RFX6: variants seen among roughly 807,000 people sequenced by gnomAD.
The protein encoded by RFX6 is regulatory factor X6.
Under a neutral mutation model 110.8 loss-of-function variants are expected in RFX6, and 50 were observed. That is an observed-to-expected ratio of 0.45 (90% confidence interval 0.36 to 0.57). The LOEUF is 0.57. Ranked by LOEUF, RFX6 falls within the 20% of genes least tolerant of loss-of-function variation. The probability of loss-of-function intolerance (pLI) is 0.00; values close to 1 mark genes in which losing one functional copy is unlikely to be tolerated. For synonymous variants in RFX6, 383 were observed against 411.2 expected (o/e 0.93, Z 0.83); for missense variants, 990 against 1,127.0 (o/e 0.88, Z 1.74).
At chr6:116,879,443 A>G (rs1774539210) in intron 2 of RFX6, among the ~76,000 whole-genome samples, 1 of 151,950 alleles carries the variant, frequency 6.6e-6, no homozygotes, top group Non-Finnish European at 1.5e-5. Context: ...TTTTATGTAC[A>G]TATATTGATT....
intron 3 of RFX6, among the ~76,000 whole-genome samples, chr6:116,881,654 A>G (rs1270438958): frequency 6.6e-6 from 1 of 152,046 alleles, no homozygotes; most frequent in African/African-American, 2.4e-5. Flanking sequence ...GGATAAGACA[A>G]CTTCTAATAT....
intron 9 of RFX6, among the ~76,000 whole-genome samples, chr6:116,916,830 CCTT>C (rs542362761): frequency 1.6e-4 from 25 of 152,162 alleles, no homozygotes; most frequent in Non-Finnish European, 3.1e-4. Flanking sequence ...AACTGATTGT[CCTT>C]CTAGGCAAAC....
chr6:116,906,153 G>A (rs886970121), intron 6 of RFX6, among the ~76,000 whole-genome samples: 2 of 151,978 alleles, frequency 1.3e-5, no homozygotes, highest in African/African-American at 4.8e-5. Context: ...AATGGTTTTG[G>A]CACCCCTATC....
At chr6:116,911,154 A>C in intron 7 of RFX6, 112 bp downstream of exon 7, 12 of 763,104 alleles carry the variant, frequency 1.6e-5, no homozygotes, top group Non-Finnish European at 2.3e-6. Context: ...GCATAATCAA[A>C]CATAATTGAC....
rs149164691 is a variant in RFX6, at chr6:116,887,820, C to T, written c.566+5392C>T. Among the ~76,000 whole-genome samples the T allele has an allele frequency of 2.3e-3, 347 of 152,244 alleles. 1 individual carries two copies. The highest frequency in any genetic ancestry group is 7.4e-3 in the African/African-American group (306 of 41,550). On this transcript the variant is annotated intron_variant, in intron 4 of 18. Coordinates refer to ENST00000332958, the MANE Select transcript of RFX6 (RefSeq NM_173560.4). ...AGGGTCCCGTTGCTAACTAGGCCCTCGGGTACAATGATAAGCAAAAACCTT... is the reference window on the plus strand; with the variant it reads ...AGGGTCCCGTTGCTAACTAGGCCCTTGGGTACAATGATAAGCAAAAACCTT...
In RFX6 at chr6:116,902,026, G is replaced by A. The variant is rs904771631; in HGVS notation, c.672+6819G>A. 2.6e-5 allele frequency among the ~76,000 whole-genome samples: 4 copies of A among 152,016 alleles called. No homozygotes were observed. In the East Asian group the frequency reaches 7.7e-4, roughly 29 times the overall value. ...TTTGGGTATGAGCGAATGAATGATA[G>A]TTATAATAATCAAATTAGGGTCATC... On this transcript the variant is annotated intron_variant, in intron 6 of 18. Transcript: ENST00000332958.
At chr6:116,891,030 A>T (rs915747186) in intron 4 of RFX6, among the ~76,000 whole-genome samples, 3 of 152,192 alleles carry the variant, frequency 2.0e-5, no homozygotes, top group Non-Finnish European at 2.9e-5. Context: ...AAATGTAGCA[A>T]TTTTTTTAAA....
In RFX6 at chr6:116,923,108, C is replaced by G; in HGVS notation, c.1439C>G (p.Thr480Ser). The G allele has an allele frequency of 6.5e-7, 1 of 1,548,906 alleles. No individual in the cohort carries two copies. The highest frequency in any genetic ancestry group is 1.7e-5 in the Admixed American group (1 of 59,904). ...TTCATTTTGTTCCTTTACTTTTAGA[C>G]CAGCAAACAAAATGGAAGGTCATTA... Reference protein sequence around the residue: ...DTVVEQRVIKTSKQNGRSLKK... With the variant: ...DTVVEQRVIKSSKQNGRSLKK... The change falls in exon 14 of 19, where the codon ACC (threonine) becomes AGC (serine). Residue 480 changes from threonine to serine, a missense_variant and splice_region_variant. Physicochemically the swap from Thr to Ser is moderately conservative, Grantham distance 58. Transcript: ENST00000332958.
At chr6:116,925,286 G>T (rs1198844834) in intron 15 of RFX6, among the ~76,000 whole-genome samples, 167 bp from the exon 16 acceptor site, 1 of 152,136 alleles carries the variant, frequency 6.6e-6, no homozygotes, top group African/African-American at 2.4e-5. Context: ...TAGCATCACT[G>T]TCAAGAGCAA....
intron 5 of RFX6, 148 bp from the exon 6 acceptor site, chr6:116,895,032 G>T: frequency 1.9e-6 from 1 of 537,422 alleles, no homozygotes; most frequent in Non-Finnish European, 3.4e-6. Context: ...TGAGAAAGAT[G>T]CTTGATTTCT....
rs193038848 is a variant in RFX6 at position 116,906,247 on chromosome 6, A to G, written c.673-4688A>G. 2.8e-4 allele frequency among the ~76,000 whole-genome samples: 43 copies of G among 152,312 alleles called. 1 individual carries two copies. The highest frequency in any genetic ancestry group is 9.6e-4 in the African/African-American group (40 of 41,590). On this transcript the variant is annotated intron_variant, in intron 6 of 18. Coordinates refer to ENST00000332958, the MANE Select transcript of RFX6 (RefSeq NM_173560.4). ...TGGTTTATGTGTCTGTCTTCATGAC[A>G]GTACCATATTGTTTTGATTACTGTA...
At chr6:116,890,781 G>C (rs1054125333) in intron 4 of RFX6, among the ~76,000 whole-genome samples, 1 of 151,950 alleles carries the variant, frequency 6.6e-6, no homozygotes, top group Non-Finnish European at 1.5e-5. Flanking sequence ...TAAAAAGCAC[G>C]GTTTTTTGAG....
chr6:116,916,340 A>C, intron 9 of RFX6, 26 bp downstream of exon 9: 1 of 1,307,002 alleles, frequency 7.7e-7, no homozygotes, highest in Non-Finnish European at 1.1e-6. Flanking sequence ...TGTCTTAAAC[A>C]TGAGCCATTT....
intron 7 of RFX6, among the ~76,000 whole-genome samples, chr6:116,915,656 ATGTT>A (rs1250979637): frequency 6.6e-6 from 1 of 152,056 alleles, no homozygotes; most frequent in East Asian, 1.9e-4. Context: ...TTACTACTTT[ATGTT>A]TATTTACCCA....
At chr6:116,891,580 T>A (rs1450227264) in intron 4 of RFX6, among the ~76,000 whole-genome samples, 1 of 152,248 alleles carries the variant, frequency 6.6e-6, no homozygotes, top group African/African-American at 2.4e-5. Flanking sequence ...TCAAACATTA[T>A]TTGATTTATT....
chr6:116,885,911 C>T (rs1374292894), intron 4 of RFX6, among the ~76,000 whole-genome samples: 1 of 151,952 alleles, frequency 6.6e-6, no homozygotes, highest in African/African-American at 2.4e-5. Flanking sequence ...AAACATGTCT[C>T]TGTTATATAT....
At chr6:116,877,993 G>GT in intron 2 of RFX6, 41 bp downstream of exon 2, 1 of 1,580,526 alleles carries the variant, frequency 6.3e-7, no homozygotes, top group Non-Finnish European at 8.7e-7. Context: ...ACCTGTTGAC[G>GT]TTTTAACAGC....
chr6:116,912,639 G>GA (rs1224188966), intron 7 of RFX6, among the ~76,000 whole-genome samples: 1 of 152,180 alleles, frequency 6.6e-6, no homozygotes, highest in Non-Finnish European at 1.5e-5. Flanking sequence ...CTTTTGTGGA[G>GA]AGGATTGCTT....
In RFX6 at chr6:116,882,372, T is replaced by C; in HGVS notation, c.510T>C (p.Ile170=). Residue 170 remains isoleucine (I), a synonymous_variant, in exon 4 of 19, where the codon ATT becomes ATC. Coordinates refer to ENST00000332958, the MANE Select transcript of RFX6 (RefSeq NM_173560.4). ...GTAATCATCTTTCTTTTTAGACAATTCGCCAGAAGTTTCCCCTCCTAACAA... is the reference window on the plus strand; with the variant it reads ...GTAATCATCTTTCTTTTTAGACAATCCGCCAGAAGTTTCCCCTCCTAACAA... ...PACAATFGKT[I]RQKFPLLTTR... is the part of the protein sequence containing the mutation. 1 of 1,612,580 alleles carries C rather than the reference T, an allele frequency of 6.2e-7. No homozygotes were observed.
Sources: allele counts gnomAD v4.1 joint callset (sites outside exome capture counted in the v4.1 genomes callset), GRCh38; gene constraint gnomAD v4.1.1; transcripts MANE v1.5; gene names NCBI Gene and HGNC (gene_info 2026-07-23, HGNC 2026-07-21).